SLC12A7: variants seen among roughly 807,000 people sequenced by gnomAD.
The protein encoded by SLC12A7 is K-Cl cotransporter 4.
SLC12A7 carries 100 observed loss-of-function variants against 120.6 expected under a neutral mutation model. That is an observed-to-expected ratio of 0.83 (90% CI 0.71 to 0.98). The LOEUF is 0.98. SLC12A7 is among the 50% of genes least tolerant of loss of function. SLC12A7 has a pLI of 0.00. For missense variants in SLC12A7, 1,373 were observed against 1,548.1 expected, an observed-to-expected ratio of 0.89 and a Z score of 1.90; for synonymous variants, 760 against 678.0, an observed-to-expected ratio of 1.12 and a Z score of -1.88.
chr5:1,058,869 G>T (rs950216124), intron 21 of SLC12A7, among the ~76,000 whole-genome samples: 2 of 133,080 alleles, frequency 1.5e-5, no homozygotes, highest in African/African-American at 5.5e-5. Context: ...TCCACCCAGC[G>T]TCTGCACAGC....
intron 21 of SLC12A7, among the ~76,000 whole-genome samples, chr5:1,058,357 A>G (rs10056336): frequency 0.94 from 143,017 of 152,324 alleles, 67,810 homozygotes; most frequent in East Asian, 1. Flanking sequence ...CACGCCCTCC[A>G]TGCTGTCGTG....
the SLC12A7 span, among the ~76,000 whole-genome samples, chr5:1,137,587 C>T: frequency 4.6e-5 from 7 of 152,328 alleles, no homozygotes; most frequent in South Asian, 1.0e-3. Context: ...ACTGAATGAC[C>T]CCGTTCCCCT....
chr5:1,069,855 T>C (rs1737470863), intron 17 of SLC12A7, among the ~76,000 whole-genome samples: 1 of 152,126 alleles, frequency 6.6e-6, no homozygotes, highest in African/African-American at 2.4e-5. Context: ...CAGACCCCGA[T>C]GTCCTGGGGC....
intron 9 of SLC12A7, among the ~76,000 whole-genome samples, chr5:1,080,534 G>T (rs528588774): frequency 5.9e-5 from 9 of 152,232 alleles, no homozygotes; most frequent in African/African-American, 2.2e-4. Context: ...GATGAAGTCC[G>T]GGAGCAGACG....
chr5:1,052,431 G>A lies in SLC12A7; in HGVS notation c.3181C>T (p.Leu1061=), dbSNP rs1426714639. The change falls in exon 24 of 24, where the codon CTG becomes TTG. Residue 1061 remains leucine, a synonymous_variant. Coordinates refer to ENST00000264930, the MANE Select transcript of SLC12A7 (RefSeq NM_006598.3). ...AGGACTCTGTTCAGCCCCTCGGTCAGGACTTCAAGAAACTCCATGTCTGTG... is the reference window on the plus strand; with the variant it reads ...AGGACTCTGTTCAGCCCCTCGGTCAAGACTTCAAGAAACTCCATGTCTGTG... The part of the protein sequence containing the change: ...DENYMEFLEV[L]TEGLNRVLLV... 1 of 1,612,888 alleles carries A rather than the reference G, an allele frequency of 6.2e-7. No homozygotes were observed. The highest frequency in any genetic ancestry group is 1.7e-5 in the Admixed American group (1 of 60,022).
chr5:1,057,436 T>A, intron 22 of SLC12A7, 35 bp downstream of exon 22: 1 of 1,576,342 alleles, frequency 6.3e-7, no homozygotes, highest in Non-Finnish European at 8.6e-7. Context: ...ACTGCCAGGA[T>A]CTGTTCCCCC....
the SLC12A7 span, among the ~76,000 whole-genome samples, chr5:1,149,803 C>T: frequency 7.2e-5 from 11 of 152,180 alleles, no homozygotes; most frequent in African/African-American, 2.4e-4. Flanking sequence ...CCAAGGTGGG[C>T]GGATCACCTG....
rs1739739330 is a variant in SLC12A7 at position 1,085,465 on chromosome 5, G to A, written c.684C>T (p.Ile228=). 3 of 1,605,772 alleles carry A rather than the reference G, an allele frequency of 1.9e-6. No individual in the cohort carries two copies. The highest frequency in any genetic ancestry group is 2.2e-5 in the East Asian group (1 of 44,504). ...CCTGGAAGATGGCCGCACCCGGGGAGATGTACGTCTGTGGGAACAAGGCCG... is the reference window on the plus strand; with the variant it reads ...CCTGGAAGATGGCCGCACCCGGGGAAATGTACGTCTGTGGGAACAAGGCCG... ...LGTIEIFLTY[I]SPGAAIFQAE... The change falls in exon 7 of 24, where the codon ATC becomes ATT. Residue 228 remains isoleucine (I), a synonymous_variant. Coordinates refer to ENST00000264930, the MANE Select transcript of SLC12A7 (RefSeq NM_006598.3).
At chr5:1,097,508 C>T (rs1393424784) in intron 1 of SLC12A7, among the ~76,000 whole-genome samples, 1 of 152,210 alleles carries the variant, frequency 6.6e-6, no homozygotes. Context: ...ACTTAGAAAA[C>T]ATAACGATGT....
intron 21 of SLC12A7, among the ~76,000 whole-genome samples, chr5:1,058,939 G>A (rs1735906033): frequency 6.6e-6 from 1 of 152,210 alleles, no homozygotes; most frequent in Non-Finnish European, 1.5e-5. Context: ...GGCCCAGGAG[G>A]GGCCCTTCGA....
rs560185307 is a variant in SLC12A7 at position 1,094,308 on chromosome 5, G to A, written c.125-60C>T. ...AAGGAACTAAAAGCAAGCACAGAAG[G>A]CCAACTACAGATCTTGCACGGAGGG... On this transcript the variant is annotated intron_variant, in intron 1 of 23. Transcript: ENST00000264930. 27 of 1,235,792 alleles carry A rather than the reference G, an allele frequency of 2.2e-5. No homozygotes were observed. In the East Asian group the frequency reaches 3.7e-4, roughly 17 times the overall value. The allele number at this position is 1,235,792 out of a possible 1,614,324, so 76.6% of individuals were successfully genotyped here.
chr5:1,064,853 AGACGGCGAGGG>A (rs761613713), intron 18 of SLC12A7, among the ~76,000 whole-genome samples: 2 of 44,616 alleles, frequency 4.5e-5, no homozygotes, highest in African/African-American at 9.3e-5. Context: ...GACGGCGAGG[AGACGGCGAGGG>A]GACAGCGAGG....
At chr5:1,105,724 A>C (rs1171881392) in intron 1 of SLC12A7, among the ~76,000 whole-genome samples, 5 of 152,176 alleles carry the variant, frequency 3.3e-5, no homozygotes, top group Non-Finnish European at 7.4e-5. Flanking sequence ...CCTGGGCAGC[A>C]CTTCCCCAGC....
chr5:1,055,823 A>G (rs745446168), intron 22 of SLC12A7, among the ~76,000 whole-genome samples: 5 of 152,254 alleles, frequency 3.3e-5, no homozygotes, highest in Non-Finnish European at 7.3e-5. Flanking sequence ...CGGAGCAGGA[A>G]GTACAGGGAT....
At position 1,081,581 on chromosome 5, in the gene SLC12A7, C is replaced by T. The variant is rs761590045; in HGVS notation, c.1293G>A (p.Val431=). The change falls in exon 9 of 24, where the codon GTG becomes GTA. Residue 431 remains valine (V), a synonymous_variant. Transcript: ENST00000264930. Reference sequence around the variant, plus strand: ...AGCCTGGAGCAGCGGGCTCACCGGTCACGGAAGGGAAGTAGATGCCAACCA... The same window carrying T: ...AGCCTGGAGCAGCGGGCTCACCGGTTACGGAAGGGAAGTAGATGCCAACCA... ...TLLVGIYFPS[V]TGIMAGSNRS... 1 of 1,598,864 alleles carries T rather than the reference C, an allele frequency of 6.3e-7. No individual in the cohort carries two copies. The highest frequency in any genetic ancestry group is 8.6e-7 in the Non-Finnish European group (1 of 1,168,340).
the SLC12A7 span, among the ~76,000 whole-genome samples, chr5:1,130,009 T>G: frequency 6.6e-5 from 10 of 152,202 alleles, no homozygotes; most frequent in Non-Finnish European, 1.3e-4. Flanking sequence ...CCTCTGCTTC[T>G]TCCCCTGAAA....
At chr5:1,066,089 C>T (rs572056040) in intron 17 of SLC12A7, among the ~76,000 whole-genome samples, 7 of 152,194 alleles carry the variant, frequency 4.6e-5, no homozygotes, top group Non-Finnish European at 1.0e-4. Context: ...CGCACTAAAG[C>T]CATGCATGTG....
the SLC12A7 span, among the ~76,000 whole-genome samples, chr5:1,128,357 T>C: frequency 6.6e-6 from 1 of 152,130 alleles, no homozygotes; most frequent in African/African-American, 2.4e-5. Context: ...GTGGCCTCGC[T>C]CCAGGAAATG....
intron 9 of SLC12A7, among the ~76,000 whole-genome samples, chr5:1,080,634 G>A (rs1738942878): frequency 6.6e-6 from 1 of 152,254 alleles, no homozygotes; most frequent in South Asian, 2.1e-4. Context: ...AAGGCCGAGT[G>A]GAGACAGCCG....
Sources: gnomAD v4.1 joint callset for allele counts (sites outside exome capture counted in the v4.1 genomes callset) on GRCh38, gnomAD v4.1.1 for gene constraint, MANE v1.5 for transcripts, NCBI Gene and HGNC (gene_info 2026-07-23, HGNC 2026-07-21) for gene names.